Variants in OGDH observed in about 807,000 individuals in gnomAD.
OGDH encodes the protein oxoglutarate dehydrogenase.
OGDH carries 38 observed loss-of-function variants against 116.6 expected under a neutral mutation model. The observed-to-expected ratio is 0.33, with a 90% CI of 0.25 to 0.43. OGDH has a LOEUF of 0.43. Among genes scored for constraint, OGDH ranks in the 20% least tolerant of loss-of-function variants. The pLI is 1.00. For synonymous variants in OGDH, 488 were observed against 533.3 expected (o/e 0.92, Z 1.17); for missense variants, 825 against 1,357.2 (o/e 0.61, Z 6.16).
intron 1 of OGDH, among the ~76,000 whole-genome samples, chr7:44,623,351 T>C (rs1268200342): frequency 1.3e-5 from 2 of 152,206 alleles, no homozygotes; most frequent in African/African-American, 4.8e-5. Context: ...GTACTCATAT[T>C]TCCTCTGCAA....
intron 10 of OGDH, among the ~76,000 whole-genome samples, chr7:44,693,301 C>A (rs1344295323): frequency 1.3e-5 from 2 of 149,170 alleles, no homozygotes; most frequent in African/African-American, 5.0e-5. Context: ...AGTGAGACTT[C>A]GTCTCAAAAA....
In OGDH at chr7:44,683,267, T is replaced by C. The variant is rs116346396; in HGVS notation, c.1335+1419T>C. Among the ~76,000 whole-genome samples the C allele has an allele frequency of 5.7e-3, 867 of 152,354 alleles. 8 individuals carry two copies. Among genetic ancestry groups the C allele is most frequent in the African/African-American group, 0.02 (825 of 41,594 alleles). ...TTTGTTTGAGACCAGTCTTGCCCCA[T>C]AGCTCACGCTGGAGTGTAGGGGCAT... On this transcript the variant is annotated intron_variant, in intron 10 of 22. Transcript: ENST00000222673.
intron 4 of OGDH, among the ~76,000 whole-genome samples, chr7:44,665,120 T>A (rs928933660): frequency 1.3e-5 from 2 of 152,168 alleles, no homozygotes; most frequent in Non-Finnish European, 2.9e-5. Context: ...TTTTCCTCCA[T>A]AAATACTATA....
At position 44,708,154 on chromosome 7, in the gene OGDH, G is replaced by T; in HGVS notation, c.*155G>T. 9.3e-7 allele frequency: 1 copy of T among 1,079,568 alleles called. No individual in the cohort carries two copies. The highest frequency in any genetic ancestry group is 1.3e-6 in the Non-Finnish European group (1 of 764,738). The allele number at this position is 1,079,568 out of a possible 1,614,324, so 66.9% of individuals were successfully genotyped here. ...CTGCTCTCATAGGAGTTAGGCTGTC[G>T]TCCCCCTCCAGTGCTTGGCTGCCCC... On this transcript the variant is annotated 3_prime_UTR_variant, in exon 23 of 23. Transcript: ENST00000222673.
chr7:44,647,847 G>A (rs984925578), intron 4 of OGDH, 88 bp downstream of exon 4: 6 of 970,168 alleles, frequency 6.2e-6, no homozygotes, highest in Non-Finnish European at 9.8e-6. Context: ...AGGCAGGAGG[G>A]AAAGGCTCTT....
At chr7:44,670,401 G>T (rs1487103858) in intron 5 of OGDH, among the ~76,000 whole-genome samples, 1 of 152,148 alleles carries the variant, frequency 6.6e-6, no homozygotes, top group Non-Finnish European at 1.5e-5. Context: ...AGAAGGGACA[G>T]ATAGCCAGTT....
At chr7:44,621,311 C>G (rs1177920351) in intron 1 of OGDH, among the ~76,000 whole-genome samples, 1 of 152,170 alleles carries the variant, frequency 6.6e-6, no homozygotes, top group Non-Finnish European at 1.5e-5. Context: ...TGGCCTCAAA[C>G]AATCCTTAAG....
chr7:44,665,940 G>A lies in OGDH; in HGVS notation c.518-796G>A, dbSNP rs1297063525. 2.6e-5 allele frequency among the ~76,000 whole-genome samples: 4 copies of A among 152,208 alleles called. No homozygotes were observed. In the East Asian group the frequency reaches 7.7e-4, roughly 29 times the overall value. On this transcript the variant is annotated intron_variant, in intron 4 of 22. Coordinates refer to ENST00000222673, the MANE Select transcript of OGDH (RefSeq NM_002541.4). ...CCAGCATTATTCTTTCTCAGACTGA[G>A]ATGCACTTTCAGGTGAGGTGTTGTC...
At chr7:44,656,574 T>C (rs1786700149) in intron 4 of OGDH, among the ~76,000 whole-genome samples, 1 of 152,206 alleles carries the variant, frequency 6.6e-6, no homozygotes, top group Non-Finnish European at 1.5e-5. Flanking sequence ...TTGTTTCTGT[T>C]CATTTGTGTT....
At chr7:44,628,619 A>C (rs542471470) in intron 2 of OGDH, among the ~76,000 whole-genome samples, 1 of 151,776 alleles carries the variant, frequency 6.6e-6, no homozygotes, top group African/African-American at 2.4e-5. Context: ...TTAAAAAAAT[A>C]AAAAAATGTA....
intron 2 of OGDH, among the ~76,000 whole-genome samples, chr7:44,629,925 G>A (rs1305044243): frequency 6.6e-6 from 1 of 152,144 alleles, no homozygotes; most frequent in Admixed American, 6.5e-5. Flanking sequence ...CTTTTCACGT[G>A]TCAGCTCCTA....
intron 2 of OGDH, among the ~76,000 whole-genome samples, chr7:44,644,789 C>T (rs1184347843): frequency 6.6e-6 from 1 of 152,180 alleles, no homozygotes; most frequent in African/African-American, 2.4e-5. Flanking sequence ...AGGACATGAG[C>T]AAGGTGACCC....
intron 7 of OGDH, 92 bp downstream of exon 7, chr7:44,674,649 T>A: frequency 7.0e-7 from 1 of 1,427,324 alleles, no homozygotes; most frequent in Admixed American, 1.9e-5. Flanking sequence ...AGCAGCTGTT[T>A]CCTCCTTGAG....
chr7:44,671,767 C>CAAA (rs758716419), intron 5 of OGDH, among the ~76,000 whole-genome samples: 1 of 51,176 alleles, frequency 2.0e-5, no homozygotes, highest in African/African-American at 8.2e-5. Flanking sequence ...GACTGCGTCT[C>CAAA]AAAAAAAAAA....
At chr7:44,675,077 T>A in intron 7 of OGDH, 101 bp from the exon 8 acceptor site, 1 of 865,396 alleles carries the variant, frequency 1.2e-6, no homozygotes. Context: ...GGAGGTGCCG[T>A]GTCCTGGGGG....
chr7:44,670,500 A>G (rs1787383345), intron 5 of OGDH, among the ~76,000 whole-genome samples: 1 of 152,098 alleles, frequency 6.6e-6, no homozygotes, highest in African/African-American at 2.4e-5. Flanking sequence ...GGGGCTGGCC[A>G]TGTCTTCTTG....
At chr7:44,618,528 C>A (rs1286016161) in intron 1 of OGDH, among the ~76,000 whole-genome samples, 12 of 152,086 alleles carry the variant, frequency 7.9e-5, no homozygotes, top group Admixed American at 7.9e-4. Flanking sequence ...ATTCCTGGTT[C>A]CATAGTTCTT....
At chr7:44,699,046 G>A in intron 18 of OGDH, among the ~76,000 whole-genome samples, 1 of 151,934 alleles carries the variant, frequency 6.6e-6, no homozygotes. Flanking sequence ...CTGAGGCTGA[G>A]GCAGGAGAAT....
chr7:44,671,414 A>G (rs1470541207), intron 5 of OGDH, among the ~76,000 whole-genome samples: 1 of 152,184 alleles, frequency 6.6e-6, no homozygotes, highest in African/African-American at 2.4e-5. Flanking sequence ...CCCACTTCCA[A>G]CATTGGGGAT....
Sources: gnomAD v4.1 joint callset for allele counts (sites outside exome capture counted in the v4.1 genomes callset) on GRCh38, gnomAD v4.1.1 for gene constraint, MANE v1.5 for transcripts, NCBI Gene and HGNC (gene_info 2026-07-23, HGNC 2026-07-21) for gene names.